Variants in ADCY2 observed in about 807,000 individuals in gnomAD.
ADCY2 encodes adenylate cyclase 2, also known as adenylate cyclase type 2.
A neutral mutation model predicts 125.2 loss-of-function variants in ADCY2; 31 were observed. The ratio of observed to expected loss-of-function variants is 0.25; its 90% CI spans 0.19 to 0.33. The LOEUF is 0.33. Ranked by LOEUF, ADCY2 falls within the 10% of genes least tolerant of loss-of-function variation. The pLI is 1.00. For missense variants in ADCY2, 904 were observed against 1,418.2 expected, an observed-to-expected ratio of 0.64 and a Z score of 5.82; for synonymous variants, 512 against 548.4, an observed-to-expected ratio of 0.93 and a Z score of 0.93.
intron 2 of ADCY2, among the ~76,000 whole-genome samples, chr5:7,421,649 C>A (rs764051871): frequency 2.6e-5 from 4 of 152,138 alleles, no homozygotes; most frequent in African/African-American, 7.2e-5. Flanking sequence ...ACAACGGTTC[C>A]CTAAGTGGGT....
Position 7,396,278 on chromosome 5 carries a change from C to G in ADCY2, c.-19C>G, listed in dbSNP as rs2088222574. Reference sequence around the variant, plus strand: ...GCCCGGGCCGGGCGCGCACGGCGGGCGCCCTGTGAGCGGCCCCGATGTGGC... The same window carrying G: ...GCCCGGGCCGGGCGCGCACGGCGGGGGCCCTGTGAGCGGCCCCGATGTGGC... On this transcript the variant is annotated 5_prime_UTR_variant, in exon 1 of 25. Transcript: ENST00000338316. This position sits in a 1 kb window ranked among gnomAD's most constrained non-coding sequence, Gnocchi z 5.7. The G allele has an allele frequency of 8.6e-7, 1 of 1,165,392 alleles. No homozygotes were observed. Among genetic ancestry groups the G allele is most frequent in the Non-Finnish European group, 1.1e-6 (1 of 943,368 alleles). 72.2% of individuals were successfully genotyped at this position (1,165,392 alleles called of 1,614,324 possible).
At chr5:7,575,133 C>T (rs1219651192) in intron 3 of ADCY2, among the ~76,000 whole-genome samples, 1 of 151,420 alleles carries the variant, frequency 6.6e-6, no homozygotes, top group Admixed American at 6.6e-5. Flanking sequence ...TCAGACCAGC[C>T]TGAAAAACAT....
At chr5:7,728,154 A>G (rs1473217735) in intron 14 of ADCY2, among the ~76,000 whole-genome samples, 1 of 152,022 alleles carries the variant, frequency 6.6e-6, no homozygotes, top group East Asian at 1.9e-4. Context: ...TTTAACTCTC[A>G]TGGTGCAGCC....
intron 7 of ADCY2, among the ~76,000 whole-genome samples, chr5:7,706,420 G>T (rs1412766488): frequency 6.6e-6 from 1 of 152,202 alleles, no homozygotes; most frequent in Admixed American, 6.5e-5. Context: ...CGTGATTCTA[G>T]TATGAAAATG....
In ADCY2 at chr5:7,476,972, C is replaced by T. The variant is rs574781883; in HGVS notation, c.409-43766C>T. 1.5e-4 allele frequency among the ~76,000 whole-genome samples: 23 copies of T among 152,278 alleles called. 1 individual carries two copies. The South Asian group carries it at 4.8e-3, about 32-fold the overall frequency. ...AATATTGTGTCTTGCTTTTCTTTGA[C>T]ACCTAGAATATTACTTTGTGTCCAA... On this transcript the variant is annotated intron_variant, in intron 2 of 24. Coordinates refer to ENST00000338316, the MANE Select transcript of ADCY2 (RefSeq NM_020546.3).
intron 2 of ADCY2, among the ~76,000 whole-genome samples, chr5:7,503,219 A>G (rs1326647503): frequency 1.3e-5 from 2 of 152,110 alleles, no homozygotes; most frequent in Non-Finnish European, 2.9e-5. Context: ...ATTTCCATGA[A>G]TTCATGTCAG....
intron 3 of ADCY2, among the ~76,000 whole-genome samples, chr5:7,546,451 G>A (rs891910264): frequency 2.0e-5 from 3 of 152,172 alleles, no homozygotes; most frequent in Non-Finnish European, 4.4e-5. Flanking sequence ...CCGAGCCTGG[G>A]AGAGATGAAG....
intron 2 of ADCY2, among the ~76,000 whole-genome samples, chr5:7,480,499 G>T (rs1742688615): frequency 6.6e-6 from 1 of 152,108 alleles, no homozygotes; most frequent in Non-Finnish European, 1.5e-5. Context: ...ACTAATACAT[G>T]AACAGAAAAC....
intron 3 of ADCY2, among the ~76,000 whole-genome samples, chr5:7,536,948 G>A (rs148326401): frequency 5.6e-4 from 86 of 152,258 alleles, no homozygotes; most frequent in Non-Finnish European, 8.1e-4. Flanking sequence ...CATATTTAGA[G>A]TAAGAACAGT....
chr5:7,477,918 T>C (rs1742581445), intron 2 of ADCY2, among the ~76,000 whole-genome samples: 1 of 152,198 alleles, frequency 6.6e-6, no homozygotes, highest in Non-Finnish European at 1.5e-5. Flanking sequence ...TAATTACTTT[T>C]TGTGAATGGA....
chr5:7,519,899 G>T (rs967909940), intron 2 of ADCY2, among the ~76,000 whole-genome samples: 1 of 152,146 alleles, frequency 6.6e-6, no homozygotes, highest in East Asian at 1.9e-4. Context: ...TGATGTAAAA[G>T]GAATCATACA....
intron 23 of ADCY2, among the ~76,000 whole-genome samples, chr5:7,820,344 A>G (rs771208287): frequency 3.9e-5 from 6 of 152,062 alleles, no homozygotes; most frequent in Admixed American, 6.6e-5. Context: ...AATACAAAAA[A>G]TTAGCCAGGT....
intron 17 of ADCY2, among the ~76,000 whole-genome samples, chr5:7,771,524 C>T (rs1743557571): frequency 6.6e-6 from 1 of 152,118 alleles, no homozygotes; most frequent in African/African-American, 2.4e-5. Context: ...CTTTTGAAGC[C>T]ACAGTGTCAG....
At chr5:7,466,807 C>G (rs934165232) in intron 2 of ADCY2, among the ~76,000 whole-genome samples, 1 of 152,190 alleles carries the variant, frequency 6.6e-6, no homozygotes, top group East Asian at 1.9e-4. Flanking sequence ...GTAACAAGCA[C>G]ACCATGCTTT....
rs910360437 is a variant in ADCY2 at position 7,498,239 on chromosome 5, GTTTTTTTTTT to G, written c.409-22481_409-22472del. Among the ~76,000 whole-genome samples the G allele has an allele frequency of 3.9e-4, 24 of 62,110 alleles. 1 individual carries two copies. Among genetic ancestry groups the G allele is most frequent in the African/African-American group, 1.2e-3 (22 of 17,980 alleles). The allele number at this position is 62,110 out of a possible 152,430, so 40.7% of individuals were successfully genotyped here. A position where few individuals can be genotyped will look rare whatever the true frequency, so the allele number is the denominator to read the frequency against. ...TAAGTAAAACTCTTTTTCTTTTTTC[GTTTTTTTTTT>G]TTTTTTTTTTTTTTTTTAAGACAGA... On this transcript the variant is annotated intron_variant, in intron 2 of 24. Transcript: ENST00000338316.
chr5:7,596,197 G>T (rs1579612684), intron 3 of ADCY2, among the ~76,000 whole-genome samples: 1 of 151,782 alleles, frequency 6.6e-6, no homozygotes, highest in Non-Finnish European at 1.5e-5. Flanking sequence ...TTCTCAAATG[G>T]ATAACTAGAC....
chr5:7,731,144 T>C (rs186398955), intron 14 of ADCY2, among the ~76,000 whole-genome samples: 98 of 152,326 alleles, frequency 6.4e-4, no homozygotes, highest in Non-Finnish European at 1.2e-4. Flanking sequence ...ATAATCTTTA[T>C]GATTATTGTT....
chr5:7,615,366 G>T (rs1468909791), intron 3 of ADCY2, among the ~76,000 whole-genome samples: 1 of 152,094 alleles, frequency 6.6e-6, no homozygotes, highest in Non-Finnish European at 1.5e-5. Context: ...ATTTTTAACT[G>T]TCACTTCATG....
At chr5:7,786,564 G>T (rs1385441687) in intron 19 of ADCY2, among the ~76,000 whole-genome samples, 1 of 152,190 alleles carries the variant, frequency 6.6e-6, no homozygotes, top group Admixed American at 6.5e-5. Flanking sequence ...TATCTAAGTA[G>T]CCTTGATGAA....
Sources: allele counts gnomAD v4.1 joint callset (sites outside exome capture counted in the v4.1 genomes callset), GRCh38; gene constraint gnomAD v4.1.1; non-coding constraint Gnocchi (gnomAD v3.1); transcripts MANE v1.5; gene names NCBI Gene and HGNC (gene_info 2026-07-23, HGNC 2026-07-21).